The following OTUD4 variants were observed in gnomAD, a reference collection of about 807,000 sequenced individuals.
The protein encoded by OTUD4 is OTU domain-containing protein 4.
A neutral mutation model predicts 130.4 loss-of-function variants in OTUD4; 24 were observed. The observed-to-expected ratio is 0.18, with a 90% CI of 0.13 to 0.26. The LOEUF is 0.26. Among genes scored for constraint, OTUD4 ranks in the 10% least tolerant of loss-of-function variants. The probability of loss-of-function intolerance (pLI) is 1.00; values close to 1 mark genes in which losing one functional copy is unlikely to be tolerated. For missense variants in OTUD4, 1,031 were observed against 1,329.4 expected, an observed-to-expected ratio of 0.78 and a Z score of 3.49; for synonymous variants, 420 against 472.5, an observed-to-expected ratio of 0.89 and a Z score of 1.44.
intron 7 of OTUD4, 72 bp from the exon 8 acceptor site, chr4:145,156,068 A>C: frequency 1.7e-6 from 2 of 1,205,104 alleles, no homozygotes; most frequent in Non-Finnish European, 2.4e-6. Context: ...ACCTCATCTA[A>C]ACGTCTTCAA....
At position 145,159,186 on chromosome 4, in the gene OTUD4, A is replaced by T. The variant is rs36225462; in HGVS notation, c.629+317T>A. ...TATTTCATTACTGGGTATGTGAACAATTGACAAGTTAACTTTAAAATTTTA... is the reference window on the plus strand; with the variant it reads ...TATTTCATTACTGGGTATGTGAACATTTGACAAGTTAACTTTAAAATTTTA... On this transcript the variant is annotated intron_variant, in intron 7 of 20. Coordinates refer to ENST00000447906, the MANE Select transcript of OTUD4 (RefSeq NM_001366057.1). 3.5e-3 allele frequency: 3,737 copies of T among 1,072,916 alleles called. 6 individuals carry two copies. The highest frequency in any genetic ancestry group is 3.9e-3 in the Non-Finnish European group (3,418 of 887,502). The allele number at this position is 1,072,916 out of a possible 1,614,324, so 66.5% of individuals were successfully genotyped here.
At chr4:145,145,615 T>C (rs976039498) in intron 14 of OTUD4, among the ~76,000 whole-genome samples, 2 of 152,208 alleles carry the variant, frequency 1.3e-5, no homozygotes, top group Admixed American at 1.3e-4. Context: ...CTTACCAAGA[T>C]GTAAAAGACC....
intron 8 of OTUD4, 73 bp from the exon 9 acceptor site, chr4:145,155,759 C>G: frequency 1.8e-6 from 2 of 1,114,536 alleles, no homozygotes; most frequent in Admixed American, 2.4e-5. Flanking sequence ...ACACGTAAAA[C>G]TAAAGTCAAA....
intron 2 of OTUD4, among the ~76,000 whole-genome samples, chr4:145,172,701 T>C (rs1752236767): frequency 6.6e-6 from 1 of 152,192 alleles, no homozygotes; most frequent in African/African-American, 2.4e-5. Flanking sequence ...AGATTGAGAT[T>C]CTTTCATAGA....
intron 6 of OTUD4, among the ~76,000 whole-genome samples, chr4:145,161,041 C>T (rs917749062): frequency 6.6e-6 from 1 of 152,114 alleles, no homozygotes; most frequent in East Asian, 1.9e-4. Context: ...ACCCAGGAGG[C>T]GGAAGTTGCA....
chr4:145,140,118 C>T (rs759949203), intron 19 of OTUD4, 127 bp from the exon 20 acceptor site: 3 of 351,986 alleles, frequency 8.5e-6, no homozygotes, highest in Non-Finnish European at 1.6e-5. Context: ...GCCTGTGATA[C>T]AAAACATAGA....
chr4:145,148,660 CTA>C (rs543624204), intron 13 of OTUD4, among the ~76,000 whole-genome samples: 14 of 152,206 alleles, frequency 9.2e-5, no homozygotes, highest in Non-Finnish European at 1.8e-4. Flanking sequence ...ATTTAGTAGT[CTA>C]TGTGTATTTT....
chr4:145,153,118 C>T (rs1751141689), intron 10 of OTUD4, among the ~76,000 whole-genome samples: 1 of 152,184 alleles, frequency 6.6e-6, no homozygotes. Context: ...CAATCAAATC[C>T]ATCTCCTTAA....
intron 2 of OTUD4, among the ~76,000 whole-genome samples, chr4:145,172,475 A>G (rs1752218009): frequency 6.6e-6 from 1 of 152,216 alleles, no homozygotes; most frequent in Admixed American, 6.5e-5. Context: ...ACTTTGACAT[A>G]AAAACAGTTT....
At chr4:145,168,381 A>G (rs1031790547) in intron 3 of OTUD4, among the ~76,000 whole-genome samples, 1 of 145,066 alleles carries the variant, frequency 6.9e-6, no homozygotes, top group African/African-American at 2.5e-5. Flanking sequence ...CTCTGCCTCA[A>G]AAAAAAATAA....
chr4:145,173,964 G>C (rs1236130323), intron 2 of OTUD4, among the ~76,000 whole-genome samples: 1 of 151,538 alleles, frequency 6.6e-6, no homozygotes, highest in African/African-American at 2.4e-5. Context: ...TAAGGGTTCA[G>C]CATTACTTAC....
rs191841279 is a variant in OTUD4 at position 145,166,304 on chromosome 4, A to G, written c.295-1107T>C. 9.2e-5 allele frequency among the ~76,000 whole-genome samples: 14 copies of G among 152,352 alleles called. No homozygotes were observed. The East Asian group carries it at 2.3e-3, about 25-fold the overall frequency. On this transcript the variant is annotated intron_variant, in intron 3 of 20. Coordinates refer to ENST00000447906, the MANE Select transcript of OTUD4 (RefSeq NM_001366057.1). ...CTAGCAATTGTTTTGAAAACAAGAGAAATTCTACACTCCTTAGAAAAGTCA... is the reference window on the plus strand; with the variant it reads ...CTAGCAATTGTTTTGAAAACAAGAGGAATTCTACACTCCTTAGAAAAGTCA...
At position 145,159,497 on chromosome 4, in the gene OTUD4, TCTTA is replaced by T; in HGVS notation, c.629+2_629+5del. ...TAAGAAAGGTATTTTAGGATTTCAT[TCTTA>T]CTTGCAACTGTCATCCTCTGAATCT... On this transcript the variant is annotated splice_donor_variant and splice_donor_5th_base_variant and intron_variant, in intron 7 of 20. Coordinates refer to ENST00000447906, the MANE Select transcript of OTUD4 (RefSeq NM_001366057.1). LOFTEE classifies it high-confidence loss of function. The T allele has an allele frequency of 1.2e-6, 2 of 1,613,414 alleles. No individual in the cohort carries two copies. Among genetic ancestry groups the T allele is most frequent in the Non-Finnish European group, 1.7e-6 (2 of 1,179,652 alleles).
chr4:145,134,949 A>G lies in OTUD4; in HGVS notation c.*2481T>C, dbSNP rs766063955. On this transcript the variant is annotated 3_prime_UTR_variant, in exon 21 of 21. Transcript: ENST00000447906. ...TCCTCAGTTCTATACTTTTGCCTCT[A>G]TTCTCTTATAAAGAAATATGTCAAC... The G allele has an allele frequency of 1.8e-4, 73 of 398,398 alleles. No individual in the cohort carries two copies. Among genetic ancestry groups the G allele is most frequent in the Non-Finnish European group, 2.7e-4 (61 of 225,780 alleles). The allele number at this position is 398,398 out of a possible 1,614,324, so 24.7% of individuals were successfully genotyped here. A position where few individuals can be genotyped will look rare whatever the true frequency, so the allele number is the denominator to read the frequency against.
At chr4:145,152,717 T>TA in intron 10 of OTUD4, 82 bp from the exon 11 acceptor site, 1 of 766,596 alleles carries the variant, frequency 1.3e-6, no homozygotes. Flanking sequence ...TTTTTGCGGT[T>TA]CTTTTTTTTT....
In OTUD4 at chr4:145,143,417, A is replaced by C. The variant is rs764611031; in HGVS notation, c.1631T>G (p.Val544Gly). ...ENITDDKYAT[V>G]SSPSKSKKLE... ...CTTCTTTGACTTTGATGGTGATGAAACTGTTGCATATTTATCATCAGTAAT... is the reference window on the plus strand; with the variant it reads ...CTTCTTTGACTTTGATGGTGATGAACCTGTTGCATATTTATCATCAGTAAT... Residue 544 changes from valine (V) to glycine (G), a missense_variant, in exon 17 of 21, where the codon GTT (valine) becomes GGT (glycine). By Grantham distance (109) the Val-to-Gly change is moderately radical. This residue lies in a region of OTUD4 where 900 missense variants were observed against 1,095.9 expected (regional missense o/e 0.82). Coordinates refer to ENST00000447906, the MANE Select transcript of OTUD4 (RefSeq NM_001366057.1). The C allele has an allele frequency of 6.2e-7, 1 of 1,610,432 alleles. No individual in the cohort carries two copies. Among genetic ancestry groups the C allele is most frequent in the South Asian group, 1.1e-5 (1 of 90,880 alleles).
chr4:145,148,975 T>C (rs774241607), intron 13 of OTUD4, among the ~76,000 whole-genome samples: 1 of 152,218 alleles, frequency 6.6e-6, no homozygotes, highest in Non-Finnish European at 1.5e-5. Context: ...AGAGGTAATA[T>C]AACGGATTAG....
chr4:145,139,942 T>C lies in OTUD4; in HGVS notation c.2124+9A>G. ...TAAAATAACTTTTAAGATGATAAAA[T>C]GTAAATACCTTCACACCAAGATTGA... On this transcript the variant is annotated intron_variant, in intron 20 of 20. Coordinates refer to ENST00000447906, the MANE Select transcript of OTUD4 (RefSeq NM_001366057.1). The C allele has an allele frequency of 2.5e-6, 2 of 785,466 alleles. No individual in the cohort carries two copies. Among genetic ancestry groups the C allele is most frequent in the South Asian group, 3.2e-5 (2 of 61,852 alleles). The allele number at this position is 785,466 out of a possible 1,614,324, so 48.7% of individuals were successfully genotyped here.
chr4:145,164,425 T>C (rs1159788832), intron 4 of OTUD4, among the ~76,000 whole-genome samples, 199 bp from the exon 5 acceptor site: 1 of 152,050 alleles, frequency 6.6e-6, no homozygotes, highest in Non-Finnish European at 1.5e-5. Context: ...ATTTCAAATA[T>C]TATTTGTATA....
Sources: gnomAD v4.1 joint callset for allele counts (sites outside exome capture counted in the v4.1 genomes callset) on GRCh38, gnomAD v4.1.1 for gene constraint, gnomAD v4.1.1 regional missense constraint, MANE v1.5 for transcripts, NCBI Gene and HGNC (gene_info 2026-07-23, HGNC 2026-07-21) for gene names.